The following CADM2 variants were observed in gnomAD, a reference collection of about 807,000 sequenced individuals.
CADM2 encodes the protein cell adhesion molecule 2.
A neutral mutation model predicts 49.8 loss-of-function variants in CADM2; 12 were observed. The observed-to-expected ratio is 0.24, with a 90% confidence interval of 0.15 to 0.39. The LOEUF is 0.39. Among genes scored for constraint, CADM2 ranks in the 10% least tolerant of loss-of-function variants. The pLI, the probability that CADM2 is intolerant of heterozygous loss-of-function variation, is 1.00. For synonymous variants in CADM2, 214 were observed against 175.4 expected (o/e 1.22, Z -1.74); for missense variants, 378 against 492.3 (o/e 0.77, Z 2.20).
chr3:86,025,087 T>A (rs1170092339), intron 8 of CADM2, among the ~76,000 whole-genome samples: 1 of 151,464 alleles, frequency 6.6e-6, no homozygotes, highest in Non-Finnish European at 1.5e-5. Context: ...ACGGAGTCTC[T>A]CTCTGTCGCC....
At chr3:85,276,114 A>G (rs2043351244) in intron 1 of CADM2, among the ~76,000 whole-genome samples, 1 of 151,352 alleles carries the variant, frequency 6.6e-6, no homozygotes, top group Non-Finnish European at 1.5e-5. Context: ...TAAACTGATA[A>G]GATATGTAAT....
intron 1 of CADM2, among the ~76,000 whole-genome samples, chr3:85,584,273 G>A (rs1448481667): frequency 6.6e-6 from 1 of 151,980 alleles, no homozygotes; most frequent in Non-Finnish European, 1.5e-5. Context: ...GTAGAATACT[G>A]ATAATATTCC....
At chr3:84,967,467 T>A (rs1361955228) in intron 1 of CADM2, among the ~76,000 whole-genome samples, 2 of 152,182 alleles carry the variant, frequency 1.3e-5, no homozygotes. Flanking sequence ...TAGGCTTAAG[T>A]TTAAATGAGA....
intron 8 of CADM2, among the ~76,000 whole-genome samples, chr3:85,980,013 C>A (rs1727277182): frequency 6.6e-6 from 1 of 151,020 alleles, no homozygotes; most frequent in Non-Finnish European, 1.5e-5. Context: ...AAAAAGTATT[C>A]CTGAGCAGTC....
At chr3:85,081,740 G>A (rs766407951) in intron 1 of CADM2, among the ~76,000 whole-genome samples, 4 of 152,112 alleles carry the variant, frequency 2.6e-5, no homozygotes, top group Admixed American at 6.6e-5. Context: ...GGAAGAGGCC[G>A]GCATTTCTCC....
chr3:85,732,094 C>CAAAAAAAAAAAAAAA (rs3044020), intron 2 of CADM2, among the ~76,000 whole-genome samples: 1 of 90,826 alleles, frequency 1.1e-5, no homozygotes. Context: ...CTAAGAATAC[C>CAAAAAAAAAAAAAAA]AAAAAAAAAA....
At chr3:85,512,416 G>A (rs973047420) in intron 1 of CADM2, among the ~76,000 whole-genome samples, 17 of 151,912 alleles carry the variant, frequency 1.1e-4, no homozygotes, top group African/African-American at 3.9e-4. Flanking sequence ...CCAATAGACC[G>A]TTGATTTCAT....
chr3:85,865,132 A>G (rs80088140), intron 3 of CADM2, among the ~76,000 whole-genome samples: 1,788 of 152,294 alleles, frequency 0.012, 29 homozygotes, highest in African/African-American at 0.041. Context: ...GTTTGAAGCC[A>G]CAGCCCAGGT....
chr3:85,199,704 G>T (rs2041444330), intron 1 of CADM2, among the ~76,000 whole-genome samples: 1 of 151,806 alleles, frequency 6.6e-6, no homozygotes, highest in South Asian at 2.1e-4. Context: ...TAATTGTTTG[G>T]ATAAAATAAG....
At chr3:86,008,305 A>G (rs1731051060) in intron 8 of CADM2, among the ~76,000 whole-genome samples, 1 of 152,146 alleles carries the variant, frequency 6.6e-6, no homozygotes, top group African/African-American at 2.4e-5. Context: ...TAGCAGTTAC[A>G]TAACCAAACA....
At chr3:85,997,838 C>T (rs1311577314) in intron 8 of CADM2, among the ~76,000 whole-genome samples, 1 of 152,004 alleles carries the variant, frequency 6.6e-6, no homozygotes, top group Admixed American at 6.6e-5. Flanking sequence ...GAAGAGTCAC[C>T]GAATTCCATG....
intron 3 of CADM2, among the ~76,000 whole-genome samples, chr3:85,819,492 C>T (rs919463295): frequency 1.3e-5 from 2 of 152,078 alleles, no homozygotes; most frequent in African/African-American, 4.8e-5. Flanking sequence ...AAAACTAATT[C>T]CCGATTTTCA....
At chr3:86,063,779 T>C (rs536559731) in intron 8 of CADM2, among the ~76,000 whole-genome samples, 1 of 152,302 alleles carries the variant, frequency 6.6e-6, no homozygotes, top group Non-Finnish European at 1.5e-5. Context: ...GAAGGCATTC[T>C]TGCCAAGCCT....
chr3:85,357,130 T>A (rs993792185), intron 1 of CADM2, among the ~76,000 whole-genome samples: 1 of 152,106 alleles, frequency 6.6e-6, no homozygotes, highest in Non-Finnish European at 1.5e-5. Context: ...CTTCAACATA[T>A]GTGGGAAAAA....
Position 85,591,982 on chromosome 3 carries a change from T to G in CADM2, c.62-134540T>G, listed in dbSNP as rs1315777317. On this transcript the variant is annotated intron_variant, in intron 1 of 9. Transcript: ENST00000383699. Reference sequence around the variant, plus strand: ...AAGAAACCAATTTTTAAAAATCAGGTAACTTCCTGGATTCATTATAATGTA... The same window carrying G: ...AAGAAACCAATTTTTAAAAATCAGGGAACTTCCTGGATTCATTATAATGTA... Among the ~76,000 whole-genome samples, 5 of 152,020 alleles carry G rather than the reference T, an allele frequency of 3.3e-5. No individual in the cohort carries two copies. The East Asian group carries it at 9.7e-4, about 30-fold the overall frequency.
At chr3:85,900,293 T>C (rs1405002940) in intron 5 of CADM2, among the ~76,000 whole-genome samples, 1 of 152,182 alleles carries the variant, frequency 6.6e-6, no homozygotes, top group Non-Finnish European at 1.5e-5. Flanking sequence ...TCAATGGTAG[T>C]GTGTCTCAAC....
In CADM2 at chr3:86,071,324, T is replaced by A. The variant is rs886682058; in HGVS notation, c.*4541T>A. The A allele has an allele frequency of 6.6e-6, 1 of 151,850 alleles. No individual in the cohort carries two copies. The highest frequency in any genetic ancestry group is 2.4e-5 in the African/African-American group (1 of 41,416). The allele number at this position is 151,850 out of a possible 1,614,324, so 9.4% of individuals were successfully genotyped here. A position where few individuals can be genotyped will look rare whatever the true frequency, so the allele number is the denominator to read the frequency against. On this transcript the variant is annotated 3_prime_UTR_variant, in exon 10 of 10. Transcript: ENST00000383699. The stretch of plus-strand genomic sequence containing the variant: ...AAAATATCTTTTCTTTTTCTATTCA[T>A]TTTTTCCCTTTCTCTCTCTATTCTA...
chr3:85,327,186 GA>G (rs1453050150), intron 1 of CADM2, among the ~76,000 whole-genome samples: 1 of 151,906 alleles, frequency 6.6e-6, no homozygotes, highest in Non-Finnish European at 1.5e-5. Context: ...AATACAAAGG[GA>G]GAATCATTGA....
Position 85,602,424 on chromosome 3 carries a change from C to T in CADM2, c.62-124098C>T, listed in dbSNP as rs114506754. Among the ~76,000 whole-genome samples, 1,147 of 151,846 alleles carry T rather than the reference C, an allele frequency of 7.6e-3. 20 individuals are homozygous for T. The highest frequency in any genetic ancestry group is 0.027 in the African/African-American group (1,104 of 41,510). ...ACTGAGAGAAAAATGGAAAAGATTACGACTCTTCACCCATTCTTGCAAAAT... is the reference window on the plus strand; with the variant it reads ...ACTGAGAGAAAAATGGAAAAGATTATGACTCTTCACCCATTCTTGCAAAAT... On this transcript the variant is annotated intron_variant, in intron 1 of 9. Transcript: ENST00000383699.
Sources: gnomAD v4.1 joint callset for allele counts (sites outside exome capture counted in the v4.1 genomes callset) on GRCh38, gnomAD v4.1.1 for gene constraint, MANE v1.5 for transcripts, NCBI Gene and HGNC (gene_info 2026-07-23, HGNC 2026-07-21) for gene names.